The following DESI2 variants were observed in gnomAD, a reference collection of about 807,000 sequenced individuals.
The protein encoded by DESI2 is deubiquitinase DESI2.
A neutral mutation model predicts 24.1 loss-of-function variants in DESI2; 10 were observed. The observed-to-expected ratio is 0.41, with a 90% CI of 0.26 to 0.70. DESI2 has a LOEUF of 0.70. DESI2 is among the 30% of genes least tolerant of loss of function. DESI2 has a pLI of 0.29. For missense variants in DESI2, 122 were observed against 234.9 expected (o/e 0.52, Z 3.14); for synonymous variants, 71 against 87.7 (o/e 0.81, Z 1.06).
intron 1 of DESI2, among the ~76,000 whole-genome samples, chr1:244,659,620 A>G (rs1429412436): frequency 1.3e-5 from 2 of 152,168 alleles, no homozygotes; most frequent in Non-Finnish European, 2.9e-5. Flanking sequence ...TTTCCTCCAC[A>G]TCTGTCCTAC....
At chr1:244,701,845 G>A (rs542943707) in intron 4 of DESI2, among the ~76,000 whole-genome samples, 56 of 152,192 alleles carry the variant, frequency 3.7e-4, no homozygotes, top group Non-Finnish European at 5.3e-4. Flanking sequence ...TTGTGTGGAT[G>A]TACCATAATT....
At chr1:244,656,742 C>T (rs1675659854) in intron 1 of DESI2, among the ~76,000 whole-genome samples, 1 of 152,110 alleles carries the variant, frequency 6.6e-6, no homozygotes, top group African/African-American at 2.4e-5. Flanking sequence ...ATAATGTTTG[C>T]AAATTCATTG....
intron 4 of DESI2, among the ~76,000 whole-genome samples, chr1:244,703,091 T>G (rs1480473560): frequency 1.4e-5 from 2 of 147,114 alleles, no homozygotes; most frequent in Admixed American, 1.4e-4. Context: ...CACCTCTGCC[T>G]CCTGGGTTCA....
rs952779884 is a variant in DESI2, at chr1:244,705,674, C to T, written c.470C>T (p.Ser157Phe). 1 of 1,614,154 alleles carries T rather than the reference C, an allele frequency of 6.2e-7. No homozygotes were observed. The highest frequency in any genetic ancestry group is 1.6e-4 in the Middle Eastern group (1 of 6,062). The change falls in exon 5 of 5, where the codon TCT becomes TTT. Residue 157 changes from serine to phenylalanine, a missense_variant. Ser to Phe is a radical substitution (Grantham distance 155). Transcript: ENST00000302550. Reference sequence around the variant, plus strand: ...TGGCTCACGCCCGCAGCCCTGCAGTCTAGTGTCAGCCAAGAACTCCAGGAT... The same window carrying T: ...TGGCTCACGCCCGCAGCCCTGCAGTTTAGTGTCAGCCAAGAACTCCAGGAT... ...KEWLTPAALQ[S>F]SVSQELQDEL... is the part of the protein sequence containing the mutation.
chr1:244,687,616 GTTATACTCTTTT>G (rs1676868032), intron 2 of DESI2, among the ~76,000 whole-genome samples: 1 of 152,136 alleles, frequency 6.6e-6, no homozygotes, highest in Non-Finnish European at 1.5e-5. Context: ...CAGTATGGTG[GTTATACTCTTTT>G]TTATATTCCA....
chr1:244,689,448 A>G lies in DESI2; in HGVS notation c.209+106A>G, dbSNP rs1676942327. 1 of 605,934 alleles carries G rather than the reference A, an allele frequency of 1.7e-6. No homozygotes were observed. The highest frequency in any genetic ancestry group is 3.0e-6 in the Non-Finnish European group (1 of 337,118). 37.5% of individuals were successfully genotyped at this position (605,934 alleles called of 1,614,324 possible). ...TCAAAACAAACCCAAGAAGTTAAAA[A>G]TGTCTCTTTGTTTTAATTGCTGACA... On this transcript the variant is annotated intron_variant, in intron 3 of 4. Coordinates refer to ENST00000302550, the MANE Select transcript of DESI2 (RefSeq NM_016076.5). The surrounding 1 kb of genome is among the most constrained non-coding windows in gnomAD (Gnocchi z 4.0).
intron 4 of DESI2, among the ~76,000 whole-genome samples, chr1:244,701,207 TCCCCTCC>T: frequency 2.5e-5 from 1 of 39,630 alleles, no homozygotes; most frequent in Admixed American, 3.8e-4. Flanking sequence ...TGGACCACCT[TCCCCTCC>T]ACCCCCCCCC....
intron 1 of DESI2, among the ~76,000 whole-genome samples, chr1:244,685,711 A>T (rs1437915573): frequency 1.3e-5 from 2 of 152,206 alleles, no homozygotes; most frequent in Admixed American, 6.5e-5. Flanking sequence ...AACCTAGAAC[A>T]ATTAAAGATA....
At chr1:244,654,032 C>T in intron 1 of DESI2, 1 of 470,880 alleles carries the variant, frequency 2.1e-6, no homozygotes. Context: ...CCAGGTGATG[C>T]AACAGGTGAC....
At chr1:244,678,152 G>C (rs1236871513) in intron 1 of DESI2, among the ~76,000 whole-genome samples, 1 of 152,168 alleles carries the variant, frequency 6.6e-6, no homozygotes, top group Non-Finnish European at 1.5e-5. Context: ...TCATTGTACT[G>C]TCTCAGCATT....
intron 4 of DESI2, among the ~76,000 whole-genome samples, chr1:244,702,725 A>C (rs1016820250): frequency 6.6e-6 from 1 of 152,178 alleles, no homozygotes; most frequent in African/African-American, 2.4e-5. Flanking sequence ...GTGGCTATAG[A>C]TAGGACTCTG....
In DESI2 at chr1:244,706,026, A is replaced by C. The variant is rs531007606; in HGVS notation, c.*237A>C. 4.4e-4 allele frequency: 221 copies of C among 506,298 alleles called. No individual in the cohort carries two copies. The highest frequency in any genetic ancestry group is 3.9e-3 in the African/African-American group (203 of 51,948). 31.4% of individuals were successfully genotyped at this position (506,298 alleles called of 1,614,324 possible). A position where few individuals can be genotyped will look rare whatever the true frequency, so the allele number is the denominator to read the frequency against. On this transcript the variant is annotated 3_prime_UTR_variant, in exon 5 of 5. Transcript: ENST00000302550. The stretch of plus-strand genomic sequence containing the variant: ...TTTATCCACTCGTAAATCTGGATTT[A>C]TTTCTTCTGTTTTATACAAGCTCTG...
At position 244,706,484 on chromosome 1, in the gene DESI2, C is replaced by G. The variant is rs956085673; in HGVS notation, c.*695C>G. 8 of 152,788 alleles carry G rather than the reference C, an allele frequency of 5.2e-5. No individual in the cohort carries two copies. Among genetic ancestry groups the G allele is most frequent in the Admixed American group, 5.2e-4 (8 of 15,304 alleles). The allele number at this position is 152,788 out of a possible 1,614,324, so 9.5% of individuals were successfully genotyped here. ...GGCGGGGTGGTATGTTCTTACGTCT[C>G]TCTGACTTTGATGCCACTCATTCTA... On this transcript the variant is annotated 3_prime_UTR_variant, in exon 5 of 5. Transcript: ENST00000302550.
intron 1 of DESI2, chr1:244,653,709 CG>C: frequency 2.7e-6 from 1 of 377,180 alleles, no homozygotes; most frequent in Non-Finnish European, 5.0e-6. Context: ...TGCCGGCCCC[CG>C]GGGCTGCCCC....
At chr1:244,678,028 A>T (rs1676474546) in intron 1 of DESI2, among the ~76,000 whole-genome samples, 1 of 152,214 alleles carries the variant, frequency 6.6e-6, no homozygotes, top group Non-Finnish European at 1.5e-5. Context: ...TCATTTTCCT[A>T]GCAACTTGTG....
At chr1:244,664,463 A>C (rs1220602110) in intron 1 of DESI2, among the ~76,000 whole-genome samples, 1 of 152,170 alleles carries the variant, frequency 6.6e-6, no homozygotes, top group African/African-American at 2.4e-5. Flanking sequence ...AATGAAGTCA[A>C]GGCCAGGCAC....
At chr1:244,694,553 AT>A in intron 4 of DESI2, 1 of 784,308 alleles carries the variant, frequency 1.3e-6, no homozygotes. Context: ...TCCCAGTGGT[AT>A]TTTGTCTTTT....
At chr1:244,674,639 C>T (rs188683529) in intron 1 of DESI2, among the ~76,000 whole-genome samples, 1 of 152,282 alleles carries the variant, frequency 6.6e-6, no homozygotes, top group East Asian at 1.9e-4. Flanking sequence ...GCTTCTTTCA[C>T]CTGGCATAAT....
intron 4 of DESI2, chr1:244,694,855 G>T: frequency 2.0e-6 from 1 of 493,576 alleles, no homozygotes; most frequent in Non-Finnish European, 3.6e-6. Flanking sequence ...AAGATTTATG[G>T]CCTATAAAGC....
Sources: allele counts gnomAD v4.1 joint callset (sites outside exome capture counted in the v4.1 genomes callset), GRCh38; gene constraint gnomAD v4.1.1; non-coding constraint Gnocchi (gnomAD v3.1); transcripts MANE v1.5; gene names NCBI Gene and HGNC (gene_info 2026-07-23, HGNC 2026-07-21).